The following GABBR2 variants were observed in gnomAD, a reference collection of about 807,000 sequenced individuals.
GABBR2 encodes G-protein coupled receptor 51.
Under a neutral mutation model 105.6 loss-of-function variants are expected in GABBR2, and 23 were observed. The observed-to-expected ratio is 0.22, with a 90% CI of 0.16 to 0.31. The LOEUF (loss-of-function observed/expected upper bound fraction) is 0.31. Ranked by LOEUF, GABBR2 falls within the 10% of genes least tolerant of loss-of-function variation. The pLI, the probability that GABBR2 is intolerant of heterozygous loss-of-function variation, is 1.00. For synonymous variants in GABBR2, 478 were observed against 499.7 expected, an observed-to-expected ratio of 0.96 and a Z score of 0.58; for missense variants, 734 against 1,245.5, an observed-to-expected ratio of 0.59 and a Z score of 6.18.
At chr9:98,675,700 C>T (rs1363796329) in intron 1 of GABBR2, among the ~76,000 whole-genome samples, 1 of 152,206 alleles carries the variant, frequency 6.6e-6, no homozygotes, top group African/African-American at 2.4e-5. Context: ...GGGGCCTCCT[C>T]TTCATTTCCC....
intron 1 of GABBR2, among the ~76,000 whole-genome samples, chr9:98,630,195 C>A (rs1307939175): frequency 1.3e-5 from 2 of 152,162 alleles, no homozygotes; most frequent in African/African-American, 4.8e-5. Context: ...CAAAGGATCA[C>A]TGGGTGAGAA....
At chr9:98,455,570 GA>G (rs1464142111) in intron 6 of GABBR2, among the ~76,000 whole-genome samples, 1 of 152,232 alleles carries the variant, frequency 6.6e-6, no homozygotes, top group Non-Finnish European at 1.5e-5. Context: ...GTGGTGGAGG[GA>G]GGGGGGGCGC....
chr9:98,519,948 T>G (rs1429169986), intron 3 of GABBR2, among the ~76,000 whole-genome samples: 1 of 152,166 alleles, frequency 6.6e-6, no homozygotes, highest in Non-Finnish European at 1.5e-5. Context: ...GTTCTATTTT[T>G]CCCTCTAGGA....
chr9:98,703,297 G>T (rs1382752147), intron 1 of GABBR2, among the ~76,000 whole-genome samples: 1 of 152,104 alleles, frequency 6.6e-6, no homozygotes, highest in African/African-American at 2.4e-5. Flanking sequence ...ATTTGACCAT[G>T]CCTGCATACA....
At chr9:98,478,618 C>A (rs549524205) in intron 5 of GABBR2, among the ~76,000 whole-genome samples, 1 of 152,202 alleles carries the variant, frequency 6.6e-6, no homozygotes, top group African/African-American at 2.4e-5. Flanking sequence ...GGAAGGCAGA[C>A]AAGCCAGGGG....
At chr9:98,338,396 A>G (rs1357623423) in intron 13 of GABBR2, among the ~76,000 whole-genome samples, 1 of 152,202 alleles carries the variant, frequency 6.6e-6, no homozygotes, top group Non-Finnish European at 1.5e-5. Context: ...TAGTATCTAG[A>G]ATATATAAAG....
intron 1 of GABBR2, among the ~76,000 whole-genome samples, chr9:98,691,061 CAACTT>C (rs969311374): frequency 2.0e-5 from 3 of 152,232 alleles, no homozygotes; most frequent in Non-Finnish European, 4.4e-5. Context: ...CCTACAGACT[CAACTT>C]AGAGTAAGCT....
chr9:98,310,052 CTT>C (rs1344769093), intron 14 of GABBR2, among the ~76,000 whole-genome samples: 2 of 152,120 alleles, frequency 1.3e-5, no homozygotes, highest in African/African-American at 4.8e-5. Flanking sequence ...TGAATGGTGA[CTT>C]AACCTCCCTG....
chr9:98,400,259 G>T (rs1015374008), intron 8 of GABBR2, among the ~76,000 whole-genome samples: 4 of 150,960 alleles, frequency 2.6e-5, no homozygotes, highest in African/African-American at 9.8e-5. Context: ...ATTAACAAAT[G>T]ACTAATAAGC....
At chr9:98,433,808 T>C (rs1021460159) in intron 7 of GABBR2, among the ~76,000 whole-genome samples, 1 of 152,122 alleles carries the variant, frequency 6.6e-6, no homozygotes, top group Non-Finnish European at 1.5e-5. Context: ...AGGTGGGGGC[T>C]CAGAAGACAA....
chr9:98,552,670 G>A (rs1828511032), intron 2 of GABBR2, among the ~76,000 whole-genome samples: 1 of 152,192 alleles, frequency 6.6e-6, no homozygotes. Context: ...ATTTGAGTGA[G>A]TTCTGGAAGC....
At chr9:98,364,623 A>G (rs2059095748) in intron 12 of GABBR2, among the ~76,000 whole-genome samples, 1 of 69,612 alleles carries the variant, frequency 1.4e-5, no homozygotes, top group African/African-American at 9.6e-5. Context: ...TTTTTATGGA[A>G]TCTTGCTTTG....
At chr9:98,395,745 C>T (rs557651087) in intron 8 of GABBR2, among the ~76,000 whole-genome samples, 10 of 151,920 alleles carry the variant, frequency 6.6e-5, no homozygotes, top group East Asian at 3.9e-4. Flanking sequence ...AGGATACCAG[C>T]GAACATGGAT....
chr9:98,396,997 C>CT (rs1251186388), intron 8 of GABBR2, among the ~76,000 whole-genome samples: 2 of 152,186 alleles, frequency 1.3e-5, no homozygotes. Flanking sequence ...TCATCCTGGT[C>CT]TAAAGAGGCA....
intron 2 of GABBR2, among the ~76,000 whole-genome samples, chr9:98,557,810 G>A (rs188604115): frequency 6.8e-4 from 104 of 152,306 alleles, no homozygotes; most frequent in Non-Finnish European, 9.0e-4. Context: ...AAAATTATGA[G>A]TCAGTTTAAG....
At chr9:98,352,107 G>A (rs1831409517) in intron 13 of GABBR2, among the ~76,000 whole-genome samples, 2 of 152,248 alleles carry the variant, frequency 1.3e-5, no homozygotes, top group South Asian at 4.1e-4. Flanking sequence ...AGTGATTGCT[G>A]TGAATTTCTC....
chr9:98,460,598 C>T (rs543658921), intron 6 of GABBR2, among the ~76,000 whole-genome samples: 7 of 151,872 alleles, frequency 4.6e-5, no homozygotes, highest in South Asian at 2.1e-4. Context: ...TGTATTCAGA[C>T]TGAAACATAG....
At chr9:98,704,414 A>G (rs1186078544) in intron 1 of GABBR2, among the ~76,000 whole-genome samples, 2 of 152,202 alleles carry the variant, frequency 1.3e-5, no homozygotes, top group Non-Finnish European at 2.9e-5. Context: ...GATTTAAGAT[A>G]GTAACACATG....
intron 6 of GABBR2, among the ~76,000 whole-genome samples, chr9:98,470,024 C>A (rs147627761): frequency 6.6e-6 from 1 of 152,188 alleles, no homozygotes; most frequent in African/African-American, 2.4e-5. Context: ...GAGAAGTTGG[C>A]TTGTGGTCAG....
Sources: allele counts gnomAD v4.1 joint callset (sites outside exome capture counted in the v4.1 genomes callset), GRCh38; gene constraint gnomAD v4.1.1; transcripts MANE v1.5; gene names NCBI Gene and HGNC (gene_info 2026-07-23, HGNC 2026-07-21).